PAPPA: variants seen among roughly 807,000 people sequenced by gnomAD.
PAPPA encodes pappalysin-1.
A neutral mutation model predicts 164.0 loss-of-function variants in PAPPA; 60 were observed. The observed-to-expected ratio is 0.37, with a 90% CI of 0.30 to 0.45. PAPPA has a LOEUF of 0.45. Among genes scored for constraint, PAPPA ranks in the 20% least tolerant of loss-of-function variants. The pLI, the probability that PAPPA is intolerant of heterozygous loss-of-function variation, is 1.00. For synonymous variants in PAPPA, 875 were observed against 814.1 expected (o/e 1.07, Z -1.27); for missense variants, 1,782 against 2,087.3 (o/e 0.85, Z 2.85).
intron 1 of PAPPA, among the ~76,000 whole-genome samples, chr9:116,177,812 G>T (rs558953052): frequency 1.3e-5 from 2 of 152,132 alleles, no homozygotes; most frequent in African/African-American, 4.8e-5. Flanking sequence ...CAACTTTCAA[G>T]GATGAACAAT....
intron 4 of PAPPA, among the ~76,000 whole-genome samples, chr9:116,215,295 G>A (rs1039737432): frequency 6.6e-6 from 1 of 152,088 alleles, no homozygotes; most frequent in African/African-American, 2.4e-5. Flanking sequence ...TGCTTGCCTT[G>A]CCTGATTGTA....
chr9:116,193,715 C>T (rs967492866), intron 2 of PAPPA, among the ~76,000 whole-genome samples: 1 of 152,202 alleles, frequency 6.6e-6, no homozygotes, highest in African/African-American at 2.4e-5. Context: ...ATCCAGAGAA[C>T]TGTGATAAAT....
chr9:116,243,523 A>C (rs935306987), intron 7 of PAPPA, among the ~76,000 whole-genome samples: 1 of 152,196 alleles, frequency 6.6e-6, no homozygotes, highest in African/African-American at 2.4e-5. Flanking sequence ...CCCAGTTAAT[A>C]GATGCTAAAG....
intron 6 of PAPPA, among the ~76,000 whole-genome samples, chr9:116,229,682 G>A (rs1844560702): frequency 6.6e-6 from 1 of 152,162 alleles, no homozygotes; most frequent in African/African-American, 2.4e-5. Context: ...CATGATATAT[G>A]GTAAGACCTG....
Position 116,347,158 on chromosome 9 carries a change from A to G in PAPPA, c.3913A>G (p.Thr1305Ala). ...AASFSCPEGT[T>A]FGSQCSFQCR... The stretch of plus-strand genomic sequence containing the variant: ...CTCCTTCTCCTGCCCTGAGGGCACC[A>G]CCTTTGGCAGTCAATGTTCCTTCCA... The change falls in exon 15 of 22, where the codon ACC (threonine) becomes GCC (alanine). Residue 1305 changes from threonine to alanine, a missense_variant. Thr to Ala is a moderately conservative substitution (Grantham distance 58, BLOSUM62 0). Coordinates refer to ENST00000328252, the MANE Select transcript of PAPPA (RefSeq NM_002581.5). This position sits in a 1 kb window ranked among gnomAD's most constrained non-coding sequence, Gnocchi z 4.5. 1 of 1,614,008 alleles carries G rather than the reference A, an allele frequency of 6.2e-7. No homozygotes were observed. Among genetic ancestry groups the G allele is most frequent in the South Asian group, 1.1e-5 (1 of 91,050 alleles).
At chr9:116,220,872 G>A (rs1025345536) in intron 5 of PAPPA, among the ~76,000 whole-genome samples, 17 of 149,804 alleles carry the variant, frequency 1.1e-4, no homozygotes, top group East Asian at 3.9e-4. Flanking sequence ...GCAACAGAGC[G>A]AAACTCTGTC....
Position 116,305,134 on chromosome 9 carries a change from G to GACACACACACACAC in PAPPA, c.3147+2213_3147+2226dup, listed in dbSNP as rs57723920. ...GCATACACAAGTACGTGGGCACACA[G>GACACACACACACAC]ACACACACACACACACACACACACA... is the stretch of plus-strand genomic sequence containing the variant. On this transcript the variant is annotated intron_variant, in intron 10 of 21. Coordinates refer to ENST00000328252, the MANE Select transcript of PAPPA (RefSeq NM_002581.5). Among the ~76,000 whole-genome samples the GACACACACACACAC allele has an allele frequency of 3.4e-3, 436 of 129,950 alleles. 12 individuals are homozygous for GACACACACACACAC. Among genetic ancestry groups the GACACACACACACAC allele is most frequent in the African/African-American group, 0.012 (402 of 32,780 alleles). The allele number at this position is 129,950 out of a possible 152,430, so 85.3% of individuals were successfully genotyped here. A position where few individuals can be genotyped will look rare whatever the true frequency, so the allele number is the denominator to read the frequency against.
Position 116,187,742 on chromosome 9 carries a change from C to G in PAPPA, c.1004C>G (p.Thr335Arg), listed in dbSNP as rs1353179552. The G allele has an allele frequency of 1.2e-6, 2 of 1,614,260 alleles. No individual in the cohort carries two copies. The highest frequency in any genetic ancestry group is 3.3e-5 in the Admixed American group (2 of 60,036). Residue 335 changes from threonine to arginine, a missense_variant, in exon 2 of 22, where the codon ACA (threonine) becomes AGA (arginine). Physicochemically the swap from Thr to Arg is moderately conservative, Grantham distance 71. This residue lies in a region of PAPPA where 1,324 missense variants were observed against 1,656.9 expected (regional missense o/e 0.80). Coordinates refer to ENST00000328252, the MANE Select transcript of PAPPA (RefSeq NM_002581.5). This position sits in a 1 kb window ranked among gnomAD's most constrained non-coding sequence, Gnocchi z 4.2. ...TGCGGACAGACATTGTGTGACAACACAGAGGTCATTGCCAGCTACAATCAG... is the reference window on the plus strand; with the variant it reads ...TGCGGACAGACATTGTGTGACAACAGAGAGGTCATTGCCAGCTACAATCAG... ...PLCGQTLCDN[T>R]EVIASYNQLS...
chr9:116,267,464 A>C (rs906031780), intron 8 of PAPPA, among the ~76,000 whole-genome samples: 1 of 152,250 alleles, frequency 6.6e-6, no homozygotes, highest in African/African-American at 2.4e-5. Context: ...TATATCTTTT[A>C]AACTTGCTGT....
At chr9:116,366,817 G>A (rs1277331349) in intron 18 of PAPPA, among the ~76,000 whole-genome samples, 2 of 152,178 alleles carry the variant, frequency 1.3e-5, no homozygotes, top group Non-Finnish European at 2.9e-5. Flanking sequence ...GGCCTGTCAG[G>A]AAACCATGAA....
chr9:116,328,952 A>G (rs1845955097), intron 10 of PAPPA, among the ~76,000 whole-genome samples: 1 of 152,250 alleles, frequency 6.6e-6, no homozygotes, highest in Non-Finnish European at 1.5e-5. Context: ...AATTACTTCA[A>G]CAAAAGTTTT....
intron 2 of PAPPA, among the ~76,000 whole-genome samples, chr9:116,204,527 G>C (rs1017107763): frequency 1.3e-4 from 20 of 152,142 alleles, no homozygotes; most frequent in Non-Finnish European, 2.8e-4. Context: ...CAATCCTCCT[G>C]TCTCGGCCTC....
chr9:116,186,203 T>G (rs1416966792), intron 1 of PAPPA, among the ~76,000 whole-genome samples: 1 of 92,852 alleles, frequency 1.1e-5, no homozygotes, highest in Non-Finnish European at 2.6e-5. Flanking sequence ...AGGCACTCAT[T>G]ATATGTGTGT....
chr9:116,178,866 C>T (rs531456089), intron 1 of PAPPA, among the ~76,000 whole-genome samples: 8 of 152,288 alleles, frequency 5.3e-5, no homozygotes, highest in African/African-American at 1.2e-4. Context: ...GCCTGTAATC[C>T]CCCAACCTTT....
At chr9:116,316,879 G>A (rs868845620) in intron 10 of PAPPA, among the ~76,000 whole-genome samples, 2 of 152,138 alleles carry the variant, frequency 1.3e-5, no homozygotes, top group Admixed American at 6.6e-5. Flanking sequence ...GGAAGAGAGC[G>A]AATCATGTAG....
intron 10 of PAPPA, among the ~76,000 whole-genome samples, chr9:116,313,459 A>C (rs571806528): frequency 9.2e-5 from 14 of 152,242 alleles, no homozygotes; most frequent in Non-Finnish European, 1.8e-4. Flanking sequence ...TCAGAGATGC[A>C]GATGCCACCT....
At chr9:116,200,627 T>G (rs1370284777) in intron 2 of PAPPA, among the ~76,000 whole-genome samples, 2 of 152,224 alleles carry the variant, frequency 1.3e-5, no homozygotes, top group African/African-American at 4.8e-5. Flanking sequence ...TATCATATTA[T>G]GTTGTGATCT....
At chr9:116,290,337 C>T (rs1845420616) in intron 9 of PAPPA, among the ~76,000 whole-genome samples, 1 of 149,296 alleles carries the variant, frequency 6.7e-6, no homozygotes. Context: ...GCTTCTCGAT[C>T]TTCATTTTGC....
At chr9:116,288,156 G>A (rs1363924949) in intron 9 of PAPPA, among the ~76,000 whole-genome samples, 2 of 152,148 alleles carry the variant, frequency 1.3e-5, no homozygotes, top group African/African-American at 2.4e-5. Context: ...GGATCACGAG[G>A]TCAGGAGTTT....
Sources: gnomAD v4.1 joint callset for allele counts (sites outside exome capture counted in the v4.1 genomes callset) on GRCh38, gnomAD v4.1.1 for gene constraint, gnomAD v4.1.1 regional missense constraint, Gnocchi (gnomAD v3.1) non-coding constraint, MANE v1.5 for transcripts, NCBI Gene and HGNC (gene_info 2026-07-23, HGNC 2026-07-21) for gene names.